The following MED24 variants were observed in gnomAD, a reference collection of about 807,000 sequenced individuals.
MED24 encodes the protein mediator complex subunit 24.
A neutral mutation model predicts 118.8 loss-of-function variants in MED24; 74 were observed. The observed-to-expected ratio is 0.62, with a 90% CI of 0.52 to 0.76. The LOEUF is 0.76. MED24 is among the 30% of genes least tolerant of loss of function. The pLI is 0.00. For synonymous variants in MED24, 521 were observed against 523.9 expected, an observed-to-expected ratio of 0.99 and a Z score of 0.08; for missense variants, 1,041 against 1,278.9, an observed-to-expected ratio of 0.81 and a Z score of 2.84.
Position 40,026,255 on chromosome 17 carries a change from CG to C in MED24, c.1885del (p.Arg629GlyfsTer14). 1 of 1,614,162 alleles carries C rather than the reference CG, an allele frequency of 6.2e-7. No individual in the cohort carries two copies. The highest frequency in any genetic ancestry group is 2.2e-5 in the East Asian group (1 of 44,884). On this transcript the variant is annotated frameshift_variant, in exon 19 of 26. Coordinates refer to ENST00000394128, the MANE Select transcript of MED24 (RefSeq NM_014815.4). LOFTEE classifies it high-confidence loss of function. ...CAVAWLVAHV[R>X]MLGLDEREKS... The stretch of plus-strand genomic sequence containing the variant: ...CTCACGCTCATCCAGCCCCAGCATC[CG>C]GACGTGGGCCACAAGCCAAGCCACA...
intron 19 of MED24, among the ~76,000 whole-genome samples, chr17:40,023,829 A>G (rs555586769): frequency 3.9e-5 from 6 of 152,294 alleles, no homozygotes; most frequent in Admixed American, 3.3e-4. Context: ...GAGAGGCCCA[A>G]GGGCTGCCCC....
At chr17:40,042,311 A>T (rs990399053) in intron 3 of MED24, among the ~76,000 whole-genome samples, 5 of 152,242 alleles carry the variant, frequency 3.3e-5, no homozygotes, top group African/African-American at 9.6e-5. Context: ...AAAATAAAGA[A>T]ACTAAGTGAA....
At position 40,022,673 on chromosome 17, in the gene MED24, T is replaced by A. The variant is rs890280068; in HGVS notation, c.2404A>T (p.Met802Leu). The A allele has an allele frequency of 6.2e-7, 1 of 1,613,674 alleles. No homozygotes were observed. The highest frequency in any genetic ancestry group is 8.5e-7 in the Non-Finnish European group (1 of 1,179,966). The change falls in exon 21 of 26, where the codon ATG becomes TTG. Residue 802 changes from methionine to leucine, a missense_variant. Physicochemically the swap from Met to Leu is conservative, Grantham distance 15. This residue lies in a region of MED24 where 587 missense variants were observed against 694.4 expected (regional missense o/e 0.85). Coordinates refer to ENST00000394128, the MANE Select transcript of MED24 (RefSeq NM_014815.4). ...GCAAGAGCAGTGCCCGGGGGGTCCA[T>A]GAGGCTGTGCCACTTGGAGGAGTCA... is the stretch of plus-strand genomic sequence containing the variant. Reference protein sequence around the residue: ...LTDSSKWHSLMDPPGTALAKL... With the variant: ...LTDSSKWHSLLDPPGTALAKL...
intron 3 of MED24, among the ~76,000 whole-genome samples, chr17:40,052,026 G>A (rs1466226203): frequency 1.3e-5 from 2 of 152,024 alleles, no homozygotes; most frequent in Admixed American, 1.3e-4. Flanking sequence ...CAGGCACGGT[G>A]GCTCACACCT....
chr17:40,023,530 G>A lies in MED24; in HGVS notation c.1986-135C>T, dbSNP rs569188710. ...CCCTGAGGCATTAACCCAGTTTTGCGCTGGGGGACGGTATACCCCGGGGTG... is the reference window on the plus strand; with the variant it reads ...CCCTGAGGCATTAACCCAGTTTTGCACTGGGGGACGGTATACCCCGGGGTG... On this transcript the variant is annotated intron_variant, in intron 19 of 25. Transcript: ENST00000394128. 49 of 851,242 alleles carry A rather than the reference G, an allele frequency of 5.8e-5. 1 individual carries two copies. In the South Asian group the frequency reaches 6.1e-4, roughly 11 times the overall value. The allele number at this position is 851,242 out of a possible 1,614,324, so 52.7% of individuals were successfully genotyped here. A position where few individuals can be genotyped will look rare whatever the true frequency, so the allele number is the denominator to read the frequency against.
intron 3 of MED24, among the ~76,000 whole-genome samples, chr17:40,042,122 G>A (rs990138617): frequency 2.0e-5 from 3 of 152,004 alleles, no homozygotes; most frequent in African/African-American, 7.3e-5. Flanking sequence ...CCTCCAACTC[G>A]TTCTTCAAAC....
At chr17:40,040,307 G>A (rs1984423292) in intron 3 of MED24, among the ~76,000 whole-genome samples, 1 of 152,090 alleles carries the variant, frequency 6.6e-6, no homozygotes, top group African/African-American at 2.4e-5. Context: ...TCGAACTCCT[G>A]ACCTCATGAT....
At chr17:40,026,513 G>A (rs1184387404) in intron 18 of MED24, 134 bp downstream of exon 18, 23 of 1,139,876 alleles carry the variant, frequency 2.0e-5, no homozygotes, top group Non-Finnish European at 2.8e-5. Context: ...CTAAGACAAC[G>A]ATTACACAAA....
Position 40,028,822 on chromosome 17 carries a change from T to G in MED24, c.1409+4A>C. On this transcript the variant is annotated splice_donor_region_variant and intron_variant, in intron 14 of 25. Coordinates refer to ENST00000394128, the MANE Select transcript of MED24 (RefSeq NM_014815.4). ...CCTGGGGTCAGGGGCTTGGCCTTCC[T>G]CACTTGATGAATTTCCGGGCGAAGG... 1 of 1,613,630 alleles carries G rather than the reference T, an allele frequency of 6.2e-7. No individual in the cohort carries two copies.
intron 3 of MED24, among the ~76,000 whole-genome samples, chr17:40,047,772 C>T (rs576573674): frequency 6.6e-6 from 1 of 152,214 alleles, no homozygotes; most frequent in Admixed American, 6.5e-5. Flanking sequence ...GCTCGTTGCC[C>T]AGGCTGGAGC....
chr17:40,035,934 C>A, intron 4 of MED24, 139 bp from the exon 5 acceptor site: 2 of 1,065,046 alleles, frequency 1.9e-6, no homozygotes, highest in Middle Eastern at 2.4e-4. Flanking sequence ...CAACACTGGA[C>A]ATTGGCTCCC....
At position 40,026,742 on chromosome 17, in the gene MED24, T is replaced by C; in HGVS notation, c.1714A>G (p.Met572Val). ...CTGAGACAGGCCTCATGCCACTTCA[T>C]CTGCCTGCGGGTGTGCAGAGAAGTC... ...NNSSEMKLVQ[M>V]KWHEACLSIS... is the part of the protein sequence containing the mutation. Residue 572 changes from methionine (M) to valine (V), a missense_variant, in exon 18 of 26, where the codon ATG becomes GTG. Met to Val is a conservative substitution (Grantham distance 21, BLOSUM62 1). Transcript: ENST00000394128. The C allele has an allele frequency of 6.2e-7, 1 of 1,611,814 alleles. No homozygotes were observed. The highest frequency in any genetic ancestry group is 8.5e-7 in the Non-Finnish European group (1 of 1,178,990).
In MED24 at chr17:40,032,775, C is replaced by A; in HGVS notation, c.823-13G>T. ...GGGTGGGGATATGCTGTGGGAAGAG[C>A]CAAGGATGAGGCCTAAGAGGGTGCC... On this transcript the variant is annotated splice_polypyrimidine_tract_variant and intron_variant, in intron 8 of 25. Coordinates refer to ENST00000394128, the MANE Select transcript of MED24 (RefSeq NM_014815.4). 1 of 1,608,210 alleles carries A rather than the reference C, an allele frequency of 6.2e-7. No homozygotes were observed. The highest frequency in any genetic ancestry group is 8.5e-7 in the Non-Finnish European group (1 of 1,175,022).
chr17:40,032,626 T>C (rs747076471), intron 9 of MED24, 23 bp downstream of exon 9: 1 of 1,580,140 alleles, frequency 6.3e-7, no homozygotes, highest in Non-Finnish European at 8.7e-7. Flanking sequence ...AGACTGGCTC[T>C]GCCCCTCCCA....
chr17:40,019,899 C>T lies in MED24; in HGVS notation c.2739G>A (p.Gly913=), dbSNP rs1393274677. The stretch of plus-strand genomic sequence containing the variant: ...GGGTGTGGGGGCCAGCGGTGCGAGA[C>T]CCCAGGATGGAGGAGATGAGCAGGA... ...NLFLLISSIL[G]SRTAGPHTQF... The change falls in exon 25 of 26, where the codon GGG becomes GGA. Residue 913 remains glycine (G), a synonymous_variant. Transcript: ENST00000394128. 3 of 1,574,616 alleles carry T rather than the reference C, an allele frequency of 1.9e-6. 1 individual carries two copies. The South Asian group carries it at 3.5e-5, about 18-fold the overall frequency.
rs1371382895 is a variant in MED24 at position 40,031,594 on chromosome 17, A to G, written c.1011T>C (p.Ala337=). Residue 337 remains alanine (A), a synonymous_variant, in exon 11 of 26, where the codon GCT becomes GCC. Coordinates refer to ENST00000394128, the MANE Select transcript of MED24 (RefSeq NM_014815.4). The stretch of plus-strand genomic sequence containing the variant: ...GGGTGAGCTTCAGCAGGAACTCAAA[A>G]GCACAGTTGACATCCTCAGTGAAGT... The part of the protein sequence containing the change: ...DKDFTEDVNC[A]FEFLLKLTPL... The G allele has an allele frequency of 6.2e-7, 1 of 1,614,076 alleles. No individual in the cohort carries two copies. Among genetic ancestry groups the G allele is most frequent in the Non-Finnish European group, 8.5e-7 (1 of 1,180,018 alleles).
chr17:40,048,619 T>C (rs1279594922), intron 3 of MED24, among the ~76,000 whole-genome samples: 1 of 152,176 alleles, frequency 6.6e-6, no homozygotes, highest in East Asian at 1.9e-4. Flanking sequence ...AGTGGCATGA[T>C]GTTGGCTCAC....
chr17:40,020,527 C>A, intron 23 of MED24, 174 bp from the exon 24 acceptor site: 1 of 1,450,584 alleles, frequency 6.9e-7, no homozygotes. Context: ...GTGGCTCACA[C>A]CTGTAATCCC....
intron 9 of MED24, 54 bp downstream of exon 9, chr17:40,032,595 G>C: frequency 6.9e-7 from 1 of 1,441,566 alleles, no homozygotes. Context: ...GGTGCCACTG[G>C]TCTTGCTAAG....
Sources: allele counts gnomAD v4.1 joint callset (sites outside exome capture counted in the v4.1 genomes callset), GRCh38; gene constraint gnomAD v4.1.1; regional missense constraint gnomAD v4.1.1; transcripts MANE v1.5; gene names NCBI Gene and HGNC (gene_info 2026-07-23, HGNC 2026-07-21).